The following OR1L1 variants were observed in gnomAD, a reference collection of about 807,000 sequenced individuals.
OR1L1 encodes olfactory receptor family 1 subfamily L member 1.
For synonymous variants in OR1L1, 132 were observed against 139.1 expected, an observed-to-expected ratio of 0.95 and a Z score of 0.36; for missense variants, 367 against 371.1, an observed-to-expected ratio of 0.99 and a Z score of 0.09.
Position 122,661,887 on chromosome 9 carries a change from C to A in OR1L1, c.172C>A (p.Pro58Thr). 1.2e-6 allele frequency: 2 copies of A among 1,614,190 alleles called. No homozygotes were observed. Among genetic ancestry groups the A allele is most frequent in the Non-Finnish European group, 1.7e-6 (2 of 1,180,044 alleles). ...AIRSDTRLQT[P>T]MYFFLSILSF... Reference sequence around the variant, plus strand: ...CCGCTCAGACACTCGTCTCCAGACGCCCATGTACTTCTTTCTAAGCATCCT... The same window carrying A: ...CCGCTCAGACACTCGTCTCCAGACGACCATGTACTTCTTTCTAAGCATCCT... The change falls in exon 1 of 1, where the codon CCC becomes ACC. Residue 58 changes from proline to threonine, a missense_variant. Coordinates refer to ENST00000309623, the MANE Select transcript of OR1L1 (RefSeq NM_001005236.3).
rs1830519902 is a variant in OR1L1 at position 122,661,943 on chromosome 9, C to T, written c.228C>T (p.Val76=). 1 of 1,614,046 alleles carries T rather than the reference C, an allele frequency of 6.2e-7. No individual in the cohort carries two copies. Among genetic ancestry groups the T allele is most frequent in the African/African-American group, 1.3e-5 (1 of 74,924 alleles). Residue 76 remains valine (V), a synonymous_variant, in exon 1 of 1, where the codon GTC becomes GTT. Coordinates refer to ENST00000309623, the MANE Select transcript of OR1L1 (RefSeq NM_001005236.3). The part of the protein sequence containing the change: ...LSFVDICYVT[V]IIPKMLVNFL... The stretch of plus-strand genomic sequence containing the variant: ...TTGTTGACATTTGCTATGTGACAGT[C>T]ATTATCCCTAAGATGCTGGTGAACT...
At position 122,662,033 on chromosome 9, in the gene OR1L1, C is replaced by T. The variant is rs776205424; in HGVS notation, c.318C>T (p.Ala106=). The change falls in exon 1 of 1, where the codon GCC becomes GCT. Residue 106 remains alanine, a synonymous_variant. Transcript: ENST00000309623. ...ECLTQMYFFL[A]FGNTDSYLLA... ...TGACCCAGATGTACTTTTTCTTAGCCTTTGGAAACACAGACAGTTACCTGC... is the reference window on the plus strand; with the variant it reads ...TGACCCAGATGTACTTTTTCTTAGCTTTTGGAAACACAGACAGTTACCTGC... The T allele has an allele frequency of 1.2e-6, 2 of 1,613,990 alleles. No homozygotes were observed. Among genetic ancestry groups the T allele is most frequent in the Non-Finnish European group, 1.7e-6 (2 of 1,180,042 alleles).
chr9:122,661,959 C>G lies in OR1L1; in HGVS notation c.244C>G (p.Leu82Val). 2 of 1,614,188 alleles carry G rather than the reference C, an allele frequency of 1.2e-6. No individual in the cohort carries two copies. The highest frequency in any genetic ancestry group is 1.7e-6 in the Non-Finnish European group (2 of 1,180,002). ...TGTGACAGTCATTATCCCTAAGATGCTGGTGAACTTCTTATCAGAGACAAA... is the reference window on the plus strand; with the variant it reads ...TGTGACAGTCATTATCCCTAAGATGGTGGTGAACTTCTTATCAGAGACAAA... The part of the protein sequence containing the change: ...CYVTVIIPKM[L>V]VNFLSETKTI... The change falls in exon 1 of 1, where the codon CTG (leucine) becomes GTG (valine). Residue 82 changes from leucine to valine, a missense_variant. Transcript: ENST00000309623.
Position 122,662,391 on chromosome 9 carries a change from C to G in OR1L1, c.676C>G (p.Leu226Val), listed in dbSNP as rs767327376. The G allele has an allele frequency of 2.3e-5, 37 of 1,614,220 alleles. No individual in the cohort carries two copies. The highest frequency in any genetic ancestry group is 3.1e-5 in the Non-Finnish European group (36 of 1,180,044). Residue 226 changes from leucine (L) to valine (V), a missense_variant, in exon 1 of 1, where the codon CTG becomes GTG. Leu to Val is a conservative substitution (Grantham distance 32, BLOSUM62 1). Coordinates refer to ENST00000309623, the MANE Select transcript of OR1L1 (RefSeq NM_001005236.3). ...TTATTTAAGAATCCTCATCACTGTTCTGAAGATTCCTTCAGCTGCTGGAAA... is the reference window on the plus strand; with the variant it reads ...TTATTTAAGAATCCTCATCACTGTTGTGAAGATTCCTTCAGCTGCTGGAAA... ...ISYLRILITVLKIPSAAGKRK... is the reference protein window; with the variant it reads ...ISYLRILITVVKIPSAAGKRK...
chr9:122,662,203 C>G lies in OR1L1; in HGVS notation c.488C>G (p.Thr163Ser), dbSNP rs2118844698. 6.2e-7 allele frequency: 1 copy of G among 1,614,072 alleles called. No individual in the cohort carries two copies. Among genetic ancestry groups the G allele is most frequent in the East Asian group, 2.2e-5 (1 of 44,870 alleles). ...HFHSLLHILLTNQLIFCASNV... is the reference protein window; with the variant it reads ...HFHSLLHILLSNQLIFCASNV... Reference sequence around the variant, plus strand: ...CACTCCCTCCTGCACATTCTTCTGACTAATCAGCTCATCTTCTGTGCCTCA... The same window carrying G: ...CACTCCCTCCTGCACATTCTTCTGAGTAATCAGCTCATCTTCTGTGCCTCA... Residue 163 changes from threonine (T) to serine (S), a missense_variant, in exon 1 of 1, where the codon ACT becomes AGT. By Grantham distance (58) the Thr-to-Ser change is moderately conservative. Coordinates refer to ENST00000309623, the MANE Select transcript of OR1L1 (RefSeq NM_001005236.3).
In OR1L1 at chr9:122,662,106, C is replaced by T. The variant is rs1180468276; in HGVS notation, c.391C>T (p.His131Tyr). 6.2e-7 allele frequency: 1 copy of T among 1,613,934 alleles called. No homozygotes were observed. Among genetic ancestry groups the T allele is most frequent in the African/African-American group, 1.3e-5 (1 of 74,914 alleles). Residue 131 changes from histidine (H) to tyrosine (Y), a missense_variant, in exon 1 of 1, where the codon CAC becomes TAC. Coordinates refer to ENST00000309623, the MANE Select transcript of OR1L1 (RefSeq NM_001005236.3). ...DRYVAICNPF[H>Y]YITIMSHRCC... ...CTATGTGGCCATATGTAATCCCTTC[C>T]ACTACATCACCATTATGAGTCACAG...
In OR1L1 at chr9:122,662,235, A is replaced by G; in HGVS notation, c.520A>G (p.Ile174Val). ...NQLIFCASNV[I>V]HHFFCDDQPV... is the part of the protein sequence containing the mutation. ...GCTCATCTTCTGTGCCTCAAATGTC[A>G]TCCATCACTTTTTCTGCGATGATCA... The change falls in exon 1 of 1, where the codon ATC becomes GTC. Residue 174 changes from isoleucine to valine, a missense_variant. By Grantham distance (29) the Ile-to-Val change is conservative. Transcript: ENST00000309623. The G allele has an allele frequency of 6.2e-7, 1 of 1,613,996 alleles. No individual in the cohort carries two copies. The highest frequency in any genetic ancestry group is 8.5e-7 in the Non-Finnish European group (1 of 1,180,008).
At position 122,661,922 on chromosome 9, in the gene OR1L1, T is replaced by A; in HGVS notation, c.207T>A (p.Val69=). Residue 69 remains valine, a synonymous_variant, in exon 1 of 1, where the codon GTT becomes GTA. Transcript: ENST00000309623. ...TCTTTCTAAGCATCCTGTCTTTTGT[T>A]GACATTTGCTATGTGACAGTCATTA... is the stretch of plus-strand genomic sequence containing the variant. ...MYFFLSILSF[V]DICYVTVIIP... 1 of 1,614,122 alleles carries A rather than the reference T, an allele frequency of 6.2e-7. No homozygotes were observed. Among genetic ancestry groups the A allele is most frequent in the Non-Finnish European group, 8.5e-7 (1 of 1,179,964 alleles).
chr9:122,662,063 A>G lies in OR1L1; in HGVS notation c.348A>G (p.Ala116=). ...AFGNTDSYLL[A]AMAIDRYVAI... Reference sequence around the variant, plus strand: ...GAAACACAGACAGTTACCTGCTAGCAGCCATGGCCATTGACCGCTATGTGG... The same window carrying G: ...GAAACACAGACAGTTACCTGCTAGCGGCCATGGCCATTGACCGCTATGTGG... Residue 116 remains alanine (A), a synonymous_variant, in exon 1 of 1, where the codon GCA becomes GCG. Coordinates refer to ENST00000309623, the MANE Select transcript of OR1L1 (RefSeq NM_001005236.3). 6.2e-7 allele frequency: 1 copy of G among 1,614,072 alleles called. No individual in the cohort carries two copies. The highest frequency in any genetic ancestry group is 8.5e-7 in the Non-Finnish European group (1 of 1,179,994).
chr9:122,662,456 G>A lies in OR1L1; in HGVS notation c.741G>A (p.Val247=). Residue 247 remains valine (V), a synonymous_variant, in exon 1 of 1, where the codon GTG becomes GTA. Transcript: ENST00000309623. ...AFSTCGSHLT[V]VTLFYGSISY... is the part of the protein sequence containing the mutation. ...CTACCTGTGGCTCTCATCTCACAGTGGTGACCCTGTTTTATGGAAGCATTA... is the reference window on the plus strand; with the variant it reads ...CTACCTGTGGCTCTCATCTCACAGTAGTGACCCTGTTTTATGGAAGCATTA... 6.2e-7 allele frequency: 1 copy of A among 1,614,142 alleles called. No homozygotes were observed. The highest frequency in any genetic ancestry group is 8.5e-7 in the Non-Finnish European group (1 of 1,180,024).
Position 122,662,596 on chromosome 9 carries a change from A to G in OR1L1, c.881A>G (p.Lys294Arg). The change falls in exon 1 of 1, where the codon AAA becomes AGA. Residue 294 changes from lysine to arginine, a missense_variant. Transcript: ENST00000309623. ...CCATTTATCTATAGTCTGAGGAACA[A>G]AGACATGAAGCAGGGTTTGGCAAAG... ...LNPFIYSLRN[K>R]DMKQGLAKLM... 4 of 1,613,116 alleles carry G rather than the reference A, an allele frequency of 2.5e-6. No individual in the cohort carries two copies. Among genetic ancestry groups the G allele is most frequent in the Non-Finnish European group, 3.4e-6 (4 of 1,180,006 alleles).
In OR1L1 at chr9:122,662,622, T is replaced by A. The variant is rs889664685; in HGVS notation, c.907T>A (p.Leu303Met). Reference sequence around the variant, plus strand: ...AGACATGAAGCAGGGTTTGGCAAAGTTGATGCACAGGATGAAATGTCAGTA... The same window carrying A: ...AGACATGAAGCAGGGTTTGGCAAAGATGATGCACAGGATGAAATGTCAGTA... ...NKDMKQGLAK[L>M]MHRMKCQ is the part of the protein sequence containing the mutation. Residue 303 changes from leucine to methionine, a missense_variant, in exon 1 of 1, where the codon TTG becomes ATG. Leu to Met is a conservative substitution (Grantham distance 15). Transcript: ENST00000309623. 1.9e-6 allele frequency: 3 copies of A among 1,610,536 alleles called. No individual in the cohort carries two copies. Among genetic ancestry groups the A allele is most frequent in the Non-Finnish European group, 1.7e-6 (2 of 1,179,866 alleles).
At position 122,661,888 on chromosome 9, in the gene OR1L1, C is replaced by T; in HGVS notation, c.173C>T (p.Pro58Leu). The T allele has an allele frequency of 2.5e-6, 4 of 1,614,182 alleles. No individual in the cohort carries two copies. The highest frequency in any genetic ancestry group is 3.4e-6 in the Non-Finnish European group (4 of 1,180,048). ...AIRSDTRLQT[P>L]MYFFLSILSF... ...CGCTCAGACACTCGTCTCCAGACGC[C>T]CATGTACTTCTTTCTAAGCATCCTG... Residue 58 changes from proline (P) to leucine (L), a missense_variant, in exon 1 of 1, where the codon CCC (proline) becomes CTC (leucine). By Grantham distance (98) the Pro-to-Leu change is moderately conservative (BLOSUM62 -3). Coordinates refer to ENST00000309623, the MANE Select transcript of OR1L1 (RefSeq NM_001005236.3).
chr9:122,662,477 C>T lies in OR1L1; in HGVS notation c.762C>T (p.Ser254=). 6.2e-7 allele frequency: 1 copy of T among 1,614,170 alleles called. No individual in the cohort carries two copies. Among genetic ancestry groups the T allele is most frequent in the Non-Finnish European group, 8.5e-7 (1 of 1,180,040 alleles). ...CAGTGGTGACCCTGTTTTATGGAAG[C>T]ATTAGCTATCTCTATTTTCAGCCCC... ...HLTVVTLFYG[S]ISYLYFQPLS... Residue 254 remains serine, a synonymous_variant, in exon 1 of 1, where the codon AGC becomes AGT. Coordinates refer to ENST00000309623, the MANE Select transcript of OR1L1 (RefSeq NM_001005236.3).
Position 122,662,347 on chromosome 9 carries a change from T to A in OR1L1, c.632T>A (p.Phe211Tyr). ...TEGLAVIMTP[F>Y]SCIIISYLRI... ...GGCTTGGCTGTCATAATGACCCCGT[T>A]TTCATGCATCATCATCTCTTATTTA... is the stretch of plus-strand genomic sequence containing the variant. The change falls in exon 1 of 1, where the codon TTT becomes TAT. Residue 211 changes from phenylalanine (F) to tyrosine (Y), a missense_variant. Coordinates refer to ENST00000309623, the MANE Select transcript of OR1L1 (RefSeq NM_001005236.3). 6.2e-7 allele frequency: 1 copy of A among 1,614,176 alleles called. No homozygotes were observed. The highest frequency in any genetic ancestry group is 8.5e-7 in the Non-Finnish European group (1 of 1,180,038).
Position 122,661,819 on chromosome 9 carries a change from A to G in OR1L1, c.104A>G (p.Tyr35Cys), listed in dbSNP as rs867979463. Residue 35 changes from tyrosine to cysteine, a missense_variant, in exon 1 of 1, where the codon TAC (tyrosine) becomes TGC (cysteine). By Grantham distance (194) the Tyr-to-Cys change is radical (BLOSUM62 -2). Transcript: ENST00000309623. ...CTCTTTGCTGTGTTCCTCCCCATCT[A>G]CCTTATCACAGTGATAGGAAACCTG... The part of the protein sequence containing the change: ...KPLFAVFLPI[Y>C]LITVIGNLLI... The G allele has an allele frequency of 1.2e-6, 2 of 1,613,822 alleles. No homozygotes were observed. The highest frequency in any genetic ancestry group is 1.3e-5 in the African/African-American group (1 of 74,826).
Position 122,661,914 on chromosome 9 carries a change from T to C in OR1L1, c.199T>C (p.Ser67Pro). 6.2e-7 allele frequency: 1 copy of C among 1,614,206 alleles called. No individual in the cohort carries two copies. Among genetic ancestry groups the C allele is most frequent in the African/African-American group, 1.3e-5 (1 of 75,054 alleles). ...TPMYFFLSIL[S>P]FVDICYVTVI... ...CATGTACTTCTTTCTAAGCATCCTG[T>C]CTTTTGTTGACATTTGCTATGTGAC... Residue 67 changes from serine (S) to proline (P), a missense_variant, in exon 1 of 1, where the codon TCT (serine) becomes CCT (proline). Physicochemically the swap from Ser to Pro is moderately conservative, Grantham distance 74. Coordinates refer to ENST00000309623, the MANE Select transcript of OR1L1 (RefSeq NM_001005236.3).
chr9:122,662,239 A>T lies in OR1L1; in HGVS notation c.524A>T (p.His175Leu), dbSNP rs1423583191. 1 of 1,613,980 alleles carries T rather than the reference A, an allele frequency of 6.2e-7. No homozygotes were observed. The change falls in exon 1 of 1, where the codon CAT becomes CTT. Residue 175 changes from histidine to leucine, a missense_variant. Coordinates refer to ENST00000309623, the MANE Select transcript of OR1L1 (RefSeq NM_001005236.3). ...ATCTTCTGTGCCTCAAATGTCATCC[A>T]TCACTTTTTCTGCGATGATCAACCA... Reference protein sequence around the residue: ...QLIFCASNVIHHFFCDDQPVL... With the variant: ...QLIFCASNVILHFFCDDQPVL...
rs781672219 is a variant in OR1L1, at chr9:122,662,259, C to A, written c.544C>A (p.Gln182Lys). 1.2e-5 allele frequency: 19 copies of A among 1,613,954 alleles called. No individual in the cohort carries two copies. The highest frequency in any genetic ancestry group is 1.4e-5 in the Non-Finnish European group (17 of 1,180,026). The change falls in exon 1 of 1, where the codon CAA becomes AAA. Residue 182 changes from glutamine (Q) to lysine (K), a missense_variant. Transcript: ENST00000309623. ...CATCCATCACTTTTTCTGCGATGAT[C>A]AACCAGTGCTAAAATTGTCCTGTTC... The part of the protein sequence containing the change: ...NVIHHFFCDD[Q>K]PVLKLSCSSH...
Sources: gnomAD v4.1 joint callset for allele counts on GRCh38, gnomAD v4.1.1 for gene constraint, MANE v1.5 for transcripts, NCBI Gene and HGNC (gene_info 2026-07-23, HGNC 2026-07-21) for gene names.